The following ASTN2 variants were observed in gnomAD, a reference collection of about 807,000 sequenced individuals.
The protein encoded by ASTN2 is astrotactin 2.
A neutral mutation model predicts 139.8 loss-of-function variants in ASTN2; 54 were observed. The observed-to-expected ratio is 0.39, with a 90% CI of 0.31 to 0.48. The LOEUF is 0.48. Among genes scored for constraint, ASTN2 ranks in the 20% least tolerant of loss-of-function variants. The pLI is 0.95. For synonymous variants in ASTN2, 756 were observed against 719.5 expected, an observed-to-expected ratio of 1.05 and a Z score of -0.81; for missense variants, 1,565 against 1,725.1, an observed-to-expected ratio of 0.91 and a Z score of 1.64.
At chr9:117,153,314 C>T (rs1028062156) in intron 3 of ASTN2, among the ~76,000 whole-genome samples, 3 of 152,050 alleles carry the variant, frequency 2.0e-5, no homozygotes, top group African/African-American at 7.2e-5. Context: ...CAGCCTGGGT[C>T]CTTGACCCTA....
intron 19 of ASTN2, among the ~76,000 whole-genome samples, chr9:116,541,049 T>C (rs1233380223): frequency 6.6e-6 from 1 of 151,922 alleles, no homozygotes; most frequent in Non-Finnish European, 1.5e-5. Context: ...TTCTCCACTA[T>C]ATAAGGAATG....
chr9:117,286,181 A>G lies in ASTN2; in HGVS notation c.630+5145T>C, dbSNP rs567215010. 5.3e-5 allele frequency among the ~76,000 whole-genome samples: 8 copies of G among 152,308 alleles called. No individual in the cohort carries two copies. The South Asian group carries it at 1.7e-3, about 32-fold the overall frequency. Reference sequence around the variant, plus strand: ...TTTTTGTTGAAAGCAACTTTGATCTATGCAAAAGTGAAATATATATTGAAA... The same window carrying G: ...TTTTTGTTGAAAGCAACTTTGATCTGTGCAAAAGTGAAATATATATTGAAA... On this transcript the variant is annotated intron_variant, in intron 2 of 22. Transcript: ENST00000313400.
intron 19 of ASTN2, among the ~76,000 whole-genome samples, chr9:116,560,100 C>T (rs776236700): frequency 2.0e-5 from 3 of 152,052 alleles, no homozygotes; most frequent in Non-Finnish European, 2.9e-5. Flanking sequence ...CAGTGAGGTC[C>T]CAAGTGGGTT....
At chr9:117,390,332 C>T (rs2130943659) in intron 1 of ASTN2, among the ~76,000 whole-genome samples, 1 of 152,180 alleles carries the variant, frequency 6.6e-6, no homozygotes. Context: ...ATTGATGAGC[C>T]AATATTAACT....
intron 1 of ASTN2, among the ~76,000 whole-genome samples, chr9:117,331,522 C>T (rs1377841816): frequency 6.6e-6 from 1 of 152,154 alleles, no homozygotes; most frequent in African/African-American, 2.4e-5. Flanking sequence ...GAAGGAAGGG[C>T]TATGTCTGTC....
At chr9:117,259,858 T>C (rs1198891999) in intron 2 of ASTN2, among the ~76,000 whole-genome samples, 1 of 152,158 alleles carries the variant, frequency 6.6e-6, no homozygotes, top group Non-Finnish European at 1.5e-5. Context: ...AGATTCTAAA[T>C]TGATTGAGAC....
intron 19 of ASTN2, among the ~76,000 whole-genome samples, chr9:116,558,885 C>T (rs568943792): frequency 5.0e-4 from 76 of 152,276 alleles, no homozygotes; most frequent in African/African-American, 1.8e-3. Flanking sequence ...ATCTAAATGG[C>T]CTGGCACATG....
At chr9:116,535,601 C>G (rs1341843413) in intron 19 of ASTN2, among the ~76,000 whole-genome samples, 3 of 152,124 alleles carry the variant, frequency 2.0e-5, no homozygotes, top group Non-Finnish European at 4.4e-5. Flanking sequence ...ATTTTTATCT[C>G]TCCTTCATTT....
At chr9:117,354,748 T>G (rs936227342) in intron 1 of ASTN2, among the ~76,000 whole-genome samples, 1 of 151,930 alleles carries the variant, frequency 6.6e-6, no homozygotes, top group Non-Finnish European at 1.5e-5. Flanking sequence ...CACACAGAAC[T>G]CCCCACTGCC....
At chr9:116,792,257 A>G (rs1294352428) in intron 13 of ASTN2, among the ~76,000 whole-genome samples, 2 of 152,078 alleles carry the variant, frequency 1.3e-5, no homozygotes, top group Admixed American at 6.6e-5. Context: ...ATGGGTGTTG[A>G]TGCTATGAGA....
intron 7 of ASTN2, among the ~76,000 whole-genome samples, chr9:116,998,065 T>C (rs1209134690): frequency 3.3e-5 from 5 of 152,216 alleles, no homozygotes; most frequent in Non-Finnish European, 5.9e-5. Flanking sequence ...TCAATTACTT[T>C]TGTTGGAAAA....
intron 10 of ASTN2, among the ~76,000 whole-genome samples, chr9:116,876,474 TAAATTGAAA>T (rs1278200481): frequency 6.6e-6 from 1 of 152,172 alleles, no homozygotes; most frequent in African/African-American, 2.4e-5. Flanking sequence ...AGGGTTGGAG[TAAATTGAAA>T]AAATTCACTT....
At chr9:117,193,700 C>T (rs925792537) in intron 3 of ASTN2, among the ~76,000 whole-genome samples, 8 of 151,250 alleles carry the variant, frequency 5.3e-5, no homozygotes, top group African/African-American at 1.9e-4. Flanking sequence ...TTCTTTTCAT[C>T]CTAGAGGGCC....
intron 2 of ASTN2, among the ~76,000 whole-genome samples, chr9:117,243,333 A>G (rs890036718): frequency 2.6e-5 from 4 of 152,254 alleles, no homozygotes; most frequent in Non-Finnish European, 5.9e-5. Context: ...CTTATTTTAC[A>G]GAAGGGAAAC....
intron 16 of ASTN2, among the ~76,000 whole-genome samples, chr9:116,681,766 C>T (rs1252589417): frequency 6.6e-6 from 1 of 152,110 alleles, no homozygotes; most frequent in African/African-American, 2.4e-5. Context: ...GAATAACAAG[C>T]AATGGGGAAA....
At chr9:116,675,002 T>C (rs527323200) in intron 16 of ASTN2, among the ~76,000 whole-genome samples, 1 of 152,288 alleles carries the variant, frequency 6.6e-6, no homozygotes, top group African/African-American at 2.4e-5. Flanking sequence ...ATCGGCTCTG[T>C]CTACGCAGTG....
At chr9:116,730,769 C>T (rs1008830615) in intron 14 of ASTN2, among the ~76,000 whole-genome samples, 4 of 152,188 alleles carry the variant, frequency 2.6e-5, no homozygotes, top group African/African-American at 9.7e-5. Context: ...CACTTGGTGG[C>T]ATGATGTCCA....
intron 17 of ASTN2, among the ~76,000 whole-genome samples, chr9:116,636,536 G>A (rs904568089): frequency 2.6e-5 from 4 of 152,122 alleles, no homozygotes; most frequent in African/African-American, 7.2e-5. Context: ...TTAGCCAGAT[G>A]TGGTGGTGGG....
chr9:117,169,624 G>C (rs1452492427), intron 3 of ASTN2, among the ~76,000 whole-genome samples: 1 of 152,016 alleles, frequency 6.6e-6, no homozygotes, highest in African/African-American at 2.4e-5. Context: ...AAAGGGCAGA[G>C]AATTGCCAAC....
Sources: gnomAD v4.1 joint callset for allele counts (sites outside exome capture counted in the v4.1 genomes callset) on GRCh38, gnomAD v4.1.1 for gene constraint, MANE v1.5 for transcripts, NCBI Gene and HGNC (gene_info 2026-07-23, HGNC 2026-07-21) for gene names.